Variants in GRIA1 observed in about 807,000 individuals in gnomAD.
The protein encoded by GRIA1 is glutamate ionotropic receptor AMPA type subunit 1, also known as glutamate receptor 1.
Under a neutral mutation model 99.2 loss-of-function variants are expected in GRIA1, and 31 were observed. The ratio of observed to expected loss-of-function variants is 0.31; its 90% confidence interval spans 0.23 to 0.42. The LOEUF (loss-of-function observed/expected upper bound fraction) is 0.42, where lower values mean the gene tolerates loss of function less well. Among genes scored for constraint, GRIA1 ranks in the 10% least tolerant of loss-of-function variants. The pLI is 1.00. For missense variants in GRIA1, 782 were observed against 1,157.5 expected (o/e 0.68, Z 4.71); for synonymous variants, 438 against 432.4 (o/e 1.01, Z -0.16).
intron 12 of GRIA1, among the ~76,000 whole-genome samples, chr5:153,769,601 CAA>C (rs1364963745): frequency 6.6e-6 from 1 of 151,680 alleles, no homozygotes; most frequent in Non-Finnish European, 1.5e-5. Flanking sequence ...TATTTGGTCC[CAA>C]GTTATCAGCT....
At chr5:153,652,377 C>T (rs1754637848) in intron 4 of GRIA1, among the ~76,000 whole-genome samples, 1 of 152,142 alleles carries the variant, frequency 6.6e-6, no homozygotes, top group Non-Finnish European at 1.5e-5. Flanking sequence ...ATGCCAAGAC[C>T]TTCCCATGCA....
intron 2 of GRIA1, among the ~76,000 whole-genome samples, chr5:153,557,599 T>C (rs1402271149): frequency 6.6e-6 from 1 of 152,240 alleles, no homozygotes; most frequent in Non-Finnish European, 1.5e-5. Flanking sequence ...CTTTTCTTTT[T>C]CTATTTCTAA....
At chr5:153,787,020 GA>G (rs1334006363) in intron 13 of GRIA1, among the ~76,000 whole-genome samples, 1 of 152,196 alleles carries the variant, frequency 6.6e-6, no homozygotes, top group African/African-American at 2.4e-5. Flanking sequence ...GGCAAAAGTG[GA>G]AGTGTAGACA....
At chr5:153,617,270 A>C (rs1766593000) in intron 2 of GRIA1, among the ~76,000 whole-genome samples, 1 of 152,230 alleles carries the variant, frequency 6.6e-6, no homozygotes. Context: ...GCTAGATATC[A>C]AAATAAATGG....
At chr5:153,648,840 C>G (rs1754339195) in intron 3 of GRIA1, among the ~76,000 whole-genome samples, 1 of 150,452 alleles carries the variant, frequency 6.6e-6, no homozygotes, top group African/African-American at 2.5e-5. Context: ...ATAATGACAC[C>G]CCCCCCCAAG....
chr5:153,519,251 G>A (rs1756914915), intron 2 of GRIA1, among the ~76,000 whole-genome samples: 2 of 151,812 alleles, frequency 1.3e-5, no homozygotes. Context: ...GACAGAGCGA[G>A]ACTCCATCTC....
At chr5:153,540,154 C>A (rs1227298276) in intron 2 of GRIA1, among the ~76,000 whole-genome samples, 4 of 152,212 alleles carry the variant, frequency 2.6e-5, no homozygotes, top group African/African-American at 9.7e-5. Flanking sequence ...GCCAGAGCTG[C>A]CTCTGCCTGC....
At chr5:153,591,273 T>G (rs1763950970) in intron 2 of GRIA1, among the ~76,000 whole-genome samples, 1 of 152,200 alleles carries the variant, frequency 6.6e-6, no homozygotes, top group Non-Finnish European at 1.5e-5. Flanking sequence ...AAATTATGAG[T>G]GTAATTTTAC....
intron 11 of GRIA1, among the ~76,000 whole-genome samples, chr5:153,723,171 G>A (rs966740417): frequency 5.3e-5 from 8 of 152,336 alleles, no homozygotes; most frequent in African/African-American, 1.9e-4. Context: ...AAACATGGTT[G>A]CTTTTATTGA....
At chr5:153,544,147 T>G (rs1038816593) in intron 2 of GRIA1, among the ~76,000 whole-genome samples, 19 of 152,160 alleles carry the variant, frequency 1.2e-4, no homozygotes, top group Admixed American at 7.9e-4. Flanking sequence ...ATCACTGTGA[T>G]AAGAATGCTA....
rs749421031 is a variant in GRIA1, at chr5:153,706,132, G to GTTTTTTTTTTTTT, written c.1823+71_1823+72insTTTTTTTTTTTTT. On this transcript the variant is annotated intron_variant, in intron 11 of 15. Coordinates refer to ENST00000285900, the MANE Select transcript of GRIA1 (RefSeq NM_000827.4). ...GTTTTGTTTGTTTGTTTGTTTGTTT[G>GTTTTTTTTTTTTT]TTTTTTAAATACTGAAAAGTAAAGA... The GTTTTTTTTTTTTT allele has an allele frequency of 4.1e-6, 6 of 1,477,734 alleles. No homozygotes were observed. In the African/African-American group the frequency reaches 8.4e-5, roughly 21 times the overall value. 91.5% of individuals were successfully genotyped at this position (1,477,734 alleles called of 1,614,324 possible).
intron 4 of GRIA1, among the ~76,000 whole-genome samples, chr5:153,651,581 A>G (rs963481654): frequency 1.3e-5 from 2 of 152,228 alleles, no homozygotes; most frequent in East Asian, 3.9e-4. Context: ...TGACAACATG[A>G]CAAAGTTTGT....
intron 12 of GRIA1, among the ~76,000 whole-genome samples, chr5:153,766,064 A>T (rs1343538993): frequency 2.0e-5 from 3 of 152,142 alleles, no homozygotes; most frequent in Non-Finnish European, 4.4e-5. Context: ...GAGATGCTGC[A>T]GGTTCTTGAC....
chr5:153,724,112 C>T (rs549774733), intron 11 of GRIA1, among the ~76,000 whole-genome samples: 37 of 152,182 alleles, frequency 2.4e-4, no homozygotes, highest in Non-Finnish European at 3.7e-4. Flanking sequence ...CTGCAGCCAC[C>T]GCTGCTGTTA....
At chr5:153,576,904 C>T (rs142872693) in intron 2 of GRIA1, among the ~76,000 whole-genome samples, 5 of 151,510 alleles carry the variant, frequency 3.3e-5, no homozygotes, top group East Asian at 2.0e-4. Flanking sequence ...TTGCCTGACA[C>T]GTAGCAGGCT....
intron 2 of GRIA1, among the ~76,000 whole-genome samples, chr5:153,612,791 G>A (rs553141887): frequency 6.6e-6 from 1 of 152,098 alleles, no homozygotes; most frequent in South Asian, 2.1e-4. Context: ...AGGATACCCA[G>A]CCACACATAC....
intron 5 of GRIA1, among the ~76,000 whole-genome samples, chr5:153,659,569 G>T (rs1246921850): frequency 6.6e-6 from 1 of 152,176 alleles, no homozygotes; most frequent in African/African-American, 2.4e-5. Context: ...CTCACCAGAA[G>T]CAAATCTTAG....
intron 2 of GRIA1, among the ~76,000 whole-genome samples, chr5:153,546,912 G>A (rs1652216799): frequency 6.6e-6 from 1 of 152,314 alleles, no homozygotes; most frequent in South Asian, 2.1e-4. Flanking sequence ...TAATCTCCAT[G>A]AAAGCAATGT....
intron 11 of GRIA1, among the ~76,000 whole-genome samples, chr5:153,712,435 C>A (rs1286998958): frequency 6.6e-6 from 1 of 152,204 alleles, no homozygotes; most frequent in South Asian, 2.1e-4. Context: ...ATAGCCTGAC[C>A]TTTGCATTCA....
Sources: gnomAD v4.1 joint callset for allele counts (sites outside exome capture counted in the v4.1 genomes callset) on GRCh38, gnomAD v4.1.1 for gene constraint, MANE v1.5 for transcripts, NCBI Gene and HGNC (gene_info 2026-07-23, HGNC 2026-07-21) for gene names.